Variants in HPSE2 observed in about 807,000 individuals in gnomAD.
HPSE2 encodes the protein heparanase 2 (inactive).
HPSE2 carries 38 observed loss-of-function variants against 60.5 expected under a neutral mutation model. The observed-to-expected ratio is 0.63, with a 90% CI of 0.48 to 0.82. The LOEUF (loss-of-function observed/expected upper bound fraction) is 0.82. HPSE2 is among the 40% of genes least tolerant of loss of function. HPSE2 has a pLI of 0.00. For synonymous variants in HPSE2, 295 were observed against 293.2 expected (o/e 1.01, Z -0.06); for missense variants, 713 against 740.4 (o/e 0.96, Z 0.43).
Position 98,481,819 on chromosome 10 carries a change from G to A in HPSE2, c.1613+817C>T, listed in dbSNP as rs1941248208. 2.6e-5 allele frequency among the ~76,000 whole-genome samples: 4 copies of A among 152,148 alleles called. No individual in the cohort carries two copies. The South Asian group carries it at 8.3e-4, about 32-fold the overall frequency. On this transcript the variant is annotated intron_variant, in intron 11 of 11. Coordinates refer to ENST00000370552, the MANE Select transcript of HPSE2 (RefSeq NM_021828.5). ...TTGGTAAACATTAAAAATGGAATAG[G>A]AATGCCTCCAGTCTGTGCAGCATCC...
At chr10:98,758,034 G>A (rs1289651114) in intron 3 of HPSE2, among the ~76,000 whole-genome samples, 1 of 151,802 alleles carries the variant, frequency 6.6e-6, no homozygotes, top group African/African-American at 2.4e-5. Context: ...AAATAAAGCT[G>A]CACATCTACA....
chr10:99,184,577 T>G, intron 2 of HPSE2, among the ~76,000 whole-genome samples: 1 of 125,604 alleles, frequency 8.0e-6, no homozygotes. Context: ...GGAAGGCCAT[T>G]AAGAAATATA....
chr10:98,840,527 G>A (rs1449515201), intron 3 of HPSE2, among the ~76,000 whole-genome samples: 3 of 152,154 alleles, frequency 2.0e-5, no homozygotes, highest in African/African-American at 7.2e-5. Flanking sequence ...TGATGACAGT[G>A]GGAACAGAGA....
the HPSE2 span, among the ~76,000 whole-genome samples, chr10:99,278,887 A>G: frequency 1.3e-5 from 2 of 152,190 alleles, no homozygotes; most frequent in South Asian, 4.1e-4. Context: ...AAAGTACCAA[A>G]AGAGTGTTCT....
At chr10:98,805,494 A>G (rs1196554741) in intron 3 of HPSE2, among the ~76,000 whole-genome samples, 1 of 152,180 alleles carries the variant, frequency 6.6e-6, no homozygotes, top group Non-Finnish European at 1.5e-5. Flanking sequence ...TTTATGGGGT[A>G]CATAGGGCAT....
Position 99,179,763 on chromosome 10 carries a change from T to C in HPSE2, c.449-35364A>G, listed in dbSNP as rs2862527. 6.6e-4 allele frequency among the ~76,000 whole-genome samples: 30 copies of C among 45,646 alleles called. 1 individual carries two copies. The South Asian group carries it at 0.04, about 61-fold the overall frequency. The allele number at this position is 45,646 out of a possible 152,430, so 29.9% of individuals were successfully genotyped here. A position where few individuals can be genotyped will look rare whatever the true frequency, so the allele number is the denominator to read the frequency against. On this transcript the variant is annotated intron_variant, in intron 2 of 11. Coordinates refer to ENST00000370552, the MANE Select transcript of HPSE2 (RefSeq NM_021828.5). ...CACAGAATGAGAAAAAAAAAAAACT[T>C]TAAACTTCATATGAAACCAAAAAGG...
chr10:99,123,990 G>A (rs1421621340), intron 3 of HPSE2, among the ~76,000 whole-genome samples: 1 of 152,096 alleles, frequency 6.6e-6, no homozygotes, highest in Non-Finnish European at 1.5e-5. Context: ...CCCAGAGTGG[G>A]TAGCTCCTAT....
rs200931509 is a variant in HPSE2 at position 99,158,747 on chromosome 10, T to A, written c.449-14348A>T. On this transcript the variant is annotated intron_variant, in intron 2 of 11. Coordinates refer to ENST00000370552, the MANE Select transcript of HPSE2 (RefSeq NM_021828.5). ...TGTACCCTAAAACTTAAAGTATAATTAAAAAAAAAAAGAAAACAACTGAAA... is the reference window on the plus strand; with the variant it reads ...TGTACCCTAAAACTTAAAGTATAATAAAAAAAAAAAAGAAAACAACTGAAA... Among the ~76,000 whole-genome samples the A allele has an allele frequency of 4.5e-4, 64 of 142,518 alleles. No individual in the cohort carries two copies. The East Asian group carries it at 0.012, about 27-fold the overall frequency. 93.5% of individuals were successfully genotyped at this position (142,518 alleles called of 152,430 possible).
rs372732963 is a variant in HPSE2, at chr10:99,020,283, T to C, written c.610+123955A>G. On this transcript the variant is annotated intron_variant, in intron 3 of 11. Coordinates refer to ENST00000370552, the MANE Select transcript of HPSE2 (RefSeq NM_021828.5). ...GTAATTATTGAAATAAATATATAAT[T>C]CATAAACTACTTATAATTATTAAAT... is the stretch of plus-strand genomic sequence containing the variant. Among the ~76,000 whole-genome samples the C allele has an allele frequency of 7.2e-5, 11 of 152,206 alleles. No individual in the cohort carries two copies. The South Asian group carries it at 1.2e-3, about 17-fold the overall frequency.
the HPSE2 span, among the ~76,000 whole-genome samples, chr10:99,278,013 C>T: frequency 6.7e-6 from 1 of 150,122 alleles, no homozygotes; most frequent in South Asian, 2.1e-4. Context: ...GAGAGAATCG[C>T]TTGAACCCAG....
At chr10:98,675,678 T>G (rs72840547) in intron 6 of HPSE2, among the ~76,000 whole-genome samples, 4,989 of 151,964 alleles carry the variant, frequency 0.033, 216 homozygotes, top group African/African-American at 0.093. Flanking sequence ...CAGTGAACTA[T>G]GATTATGCTA....
At chr10:99,210,454 G>C (rs1052384283) in intron 2 of HPSE2, among the ~76,000 whole-genome samples, 1 of 152,118 alleles carries the variant, frequency 6.6e-6, no homozygotes. Flanking sequence ...AAAGCCAGAC[G>C]ATGATACTAC....
chr10:99,113,171 G>A (rs1422650807), intron 3 of HPSE2, among the ~76,000 whole-genome samples: 2 of 152,088 alleles, frequency 1.3e-5, no homozygotes, highest in Non-Finnish European at 2.9e-5. Flanking sequence ...TTGAGTGCAT[G>A]GCTTCTTATT....
chr10:98,734,787 T>C (rs980244855), intron 4 of HPSE2, among the ~76,000 whole-genome samples: 1 of 148,296 alleles, frequency 6.7e-6, no homozygotes, highest in Non-Finnish European at 1.5e-5. Context: ...TGACTCACAC[T>C]TTTTTTTTAA....
chr10:99,242,002 C>A, the HPSE2 span, among the ~76,000 whole-genome samples: 1 of 152,068 alleles, frequency 6.6e-6, no homozygotes, highest in Non-Finnish European at 1.5e-5. Flanking sequence ...GGCTCTTCTG[C>A]CTGTGATTAG....
At chr10:98,593,315 T>C (rs1422908075) in intron 9 of HPSE2, among the ~76,000 whole-genome samples, 1 of 152,172 alleles carries the variant, frequency 6.6e-6, no homozygotes, top group African/African-American at 2.4e-5. Context: ...GTGGCTACAG[T>C]GGAAGACATG....
At chr10:99,308,153 C>T in the HPSE2 span, among the ~76,000 whole-genome samples, 11 of 151,686 alleles carry the variant, frequency 7.3e-5, no homozygotes, top group East Asian at 5.8e-4. Context: ...TTTGGGAGGC[C>T]GAGGCAGGCA....
intron 3 of HPSE2, among the ~76,000 whole-genome samples, chr10:99,018,755 A>C (rs1589525622): frequency 6.6e-6 from 1 of 152,176 alleles, no homozygotes; most frequent in Non-Finnish European, 1.5e-5. Context: ...AATTTATTAA[A>C]GGAAATGGAC....
At chr10:98,698,329 A>G (rs1312335517) in intron 5 of HPSE2, among the ~76,000 whole-genome samples, 1 of 151,686 alleles carries the variant, frequency 6.6e-6, no homozygotes, top group Non-Finnish European at 1.5e-5. Context: ...ACTCAGGATT[A>G]AGAAACTCAC....
Sources: allele counts gnomAD v4.1 joint callset (sites outside exome capture counted in the v4.1 genomes callset), GRCh38; gene constraint gnomAD v4.1.1; transcripts MANE v1.5; gene names NCBI Gene and HGNC (gene_info 2026-07-23, HGNC 2026-07-21).